Variants in AGTPBP1 observed in about 807,000 individuals in gnomAD.
AGTPBP1 encodes cytosolic carboxypeptidase 1.
AGTPBP1 carries 70 observed loss-of-function variants against 143.9 expected under a neutral mutation model. The observed-to-expected ratio is 0.49, with a 90% CI of 0.40 to 0.59. The LOEUF (loss-of-function observed/expected upper bound fraction) is 0.59, where lower values mean the gene tolerates loss of function less well. Among genes scored for constraint, AGTPBP1 ranks in the 20% least tolerant of loss-of-function variants. The pLI, the probability that AGTPBP1 is intolerant of heterozygous loss-of-function variation, is 0.00. For missense variants in AGTPBP1, 1,229 were observed against 1,464.5 expected (o/e 0.84, Z 2.62); for synonymous variants, 463 against 500.2 (o/e 0.93, Z 0.99).
At chr9:85,637,881 G>C (rs1832176568) in intron 13 of AGTPBP1, among the ~76,000 whole-genome samples, 1 of 152,202 alleles carries the variant, frequency 6.6e-6, no homozygotes, top group African/African-American at 2.4e-5. Context: ...TTCGGGGAGG[G>C]AGAGCAAGAC....
chr9:85,590,742 C>A (rs1828908922), intron 19 of AGTPBP1, among the ~76,000 whole-genome samples: 1 of 152,022 alleles, frequency 6.6e-6, no homozygotes, highest in Admixed American at 6.6e-5. Flanking sequence ...AAGGATGAGT[C>A]AAGAGAGCAG....
rs189766946 is a variant in AGTPBP1, at chr9:85,705,925, T to C, written c.32+6577A>G. ...CAGGATGGTCTCGATCTCCTGACCT[T>C]GTGATCCGCCCGCCTCGGCCTCCCA... is the stretch of plus-strand genomic sequence containing the variant. On this transcript the variant is annotated intron_variant, in intron 2 of 25. Transcript: ENST00000357081. 2.6e-3 allele frequency among the ~76,000 whole-genome samples: 389 copies of C among 151,804 alleles called. 8 individuals are homozygous for C. In the East Asian group the frequency reaches 0.041, roughly 16 times the overall value.
At chr9:85,686,912 T>C (rs1294437943) in intron 3 of AGTPBP1, among the ~76,000 whole-genome samples, 3 of 152,124 alleles carry the variant, frequency 2.0e-5, no homozygotes, top group Non-Finnish European at 4.4e-5. Flanking sequence ...ATCATATTAA[T>C]AAATGCATTA....
At chr9:85,660,818 G>C (rs1242892520) in intron 9 of AGTPBP1, 118 bp downstream of exon 9, 1 of 757,404 alleles carries the variant, frequency 1.3e-6, no homozygotes, top group Non-Finnish European at 2.1e-6. Flanking sequence ...TTTGACATTA[G>C]AATATTATAA....
At chr9:85,618,862 G>A in intron 17 of AGTPBP1, 121 bp downstream of exon 17, 3 of 1,073,652 alleles carry the variant, frequency 2.8e-6, no homozygotes, top group Non-Finnish European at 2.6e-6. Flanking sequence ...TGAATTTTGA[G>A]AACTAGAGAA....
intron 17 of AGTPBP1, among the ~76,000 whole-genome samples, chr9:85,604,107 G>A (rs1185567639): frequency 6.6e-6 from 1 of 152,200 alleles, no homozygotes; most frequent in East Asian, 1.9e-4. Context: ...AAGCCCTTGG[G>A]CCTTGAGTGA....
At chr9:85,751,057 G>A in the AGTPBP1 span, among the ~76,000 whole-genome samples, 2 of 152,160 alleles carry the variant, frequency 1.3e-5, no homozygotes, top group African/African-American at 4.8e-5. Context: ...TATGGGTGTG[G>A]GGCTTCTGCA....
intron 14 of AGTPBP1, among the ~76,000 whole-genome samples, chr9:85,623,905 C>T (rs1407950547): frequency 1.3e-5 from 2 of 152,174 alleles, no homozygotes; most frequent in Non-Finnish European, 2.9e-5. Context: ...AACAAATAGT[C>T]TAGGTACTCT....
chr9:85,805,172 C>G, the AGTPBP1 span, among the ~76,000 whole-genome samples: 12 of 152,282 alleles, frequency 7.9e-5, no homozygotes, highest in East Asian at 2.1e-3. Flanking sequence ...TCCCCCAACT[C>G]GGGCGCTCAC....
chr9:85,769,929 G>A, the AGTPBP1 span, among the ~76,000 whole-genome samples: 7 of 152,140 alleles, frequency 4.6e-5, no homozygotes, highest in Admixed American at 6.5e-5. Flanking sequence ...CTTTGTTCAA[G>A]TATATTCCGT....
chr9:85,762,097 C>A, the AGTPBP1 span, among the ~76,000 whole-genome samples: 8 of 151,398 alleles, frequency 5.3e-5, no homozygotes, highest in Non-Finnish European at 1.0e-4. Flanking sequence ...GTTAGAATGG[C>A]GATCATTAAA....
the AGTPBP1 span, among the ~76,000 whole-genome samples, chr9:85,769,890 G>C: frequency 6.6e-6 from 1 of 152,150 alleles, no homozygotes; most frequent in Admixed American, 6.5e-5. Flanking sequence ...GGAGATATAT[G>C]ACAATACTGC....
At chr9:85,729,516 T>TG (rs1221739584) in intron 1 of AGTPBP1, among the ~76,000 whole-genome samples, 2 of 151,984 alleles carry the variant, frequency 1.3e-5, no homozygotes, top group Non-Finnish European at 2.9e-5. Context: ...CAAAAACAAA[T>TG]GGGACTACTA....
chr9:85,662,563 T>C lies in AGTPBP1; in HGVS notation c.663-1590A>G, dbSNP rs115611559. On this transcript the variant is annotated intron_variant, in intron 8 of 25. Coordinates refer to ENST00000357081, the MANE Select transcript of AGTPBP1 (RefSeq NM_001330701.2). ...ACTAAATGAATATTCCATATGAGAC[T>C]GCGATTTATAAAAACTAAAATGGAA... Among the ~76,000 whole-genome samples the C allele has an allele frequency of 2.6e-3, 401 of 152,228 alleles. 1 individual carries two copies. The highest frequency in any genetic ancestry group is 9.0e-3 in the African/African-American group (373 of 41,544).
chr9:85,568,698 C>A (rs890563043), intron 25 of AGTPBP1, among the ~76,000 whole-genome samples: 3 of 152,070 alleles, frequency 2.0e-5, no homozygotes, highest in African/African-American at 4.8e-5. Flanking sequence ...GCCTGGACTA[C>A]TGTAATGGTA....
At chr9:85,737,481 C>T (rs1220383564) in intron 1 of AGTPBP1, among the ~76,000 whole-genome samples, 1 of 152,140 alleles carries the variant, frequency 6.6e-6, no homozygotes, top group Non-Finnish European at 1.5e-5. Flanking sequence ...AGCAAAAATC[C>T]GAATTCTGGA....
chr9:85,778,909 T>C, the AGTPBP1 span, among the ~76,000 whole-genome samples: 1 of 152,146 alleles, frequency 6.6e-6, no homozygotes, highest in African/African-American at 2.4e-5. Context: ...ACTCCTTGCC[T>C]CTCACGAGCA....
chr9:85,639,367 G>GCACACGCACA, intron 13 of AGTPBP1, among the ~76,000 whole-genome samples: 1 of 147,232 alleles, frequency 6.8e-6, no homozygotes, highest in South Asian at 2.1e-4. Context: ...GCGCGCACGC[G>GCACACGCACA]CACACACACA....
intron 1 of AGTPBP1, among the ~76,000 whole-genome samples, chr9:85,723,312 G>A (rs971071576): frequency 6.6e-6 from 1 of 152,222 alleles, no homozygotes; most frequent in African/African-American, 2.4e-5. Flanking sequence ...AGGCCTTGCT[G>A]AGCTATGGTG....
Sources: gnomAD v4.1 joint callset for allele counts (sites outside exome capture counted in the v4.1 genomes callset) on GRCh38, gnomAD v4.1.1 for gene constraint, MANE v1.5 for transcripts, NCBI Gene and HGNC (gene_info 2026-07-23, HGNC 2026-07-21) for gene names.